The following CATSPERT variants were observed in gnomAD, a reference collection of about 807,000 sequenced individuals.
CATSPERT encodes cation channel sperm-associated targeting subunit tau.
the CATSPERT span, among the ~76,000 whole-genome samples, chr2:201,602,518 G>C: frequency 6.6e-6 from 1 of 152,034 alleles, no homozygotes; most frequent in Non-Finnish European, 1.5e-5. Context: ...TTGTTTAAAA[G>C]CACCAATATA....
the CATSPERT span, chr2:201,495,893 A>T: frequency 1.9e-6 from 3 of 1,571,426 alleles, no homozygotes; most frequent in Non-Finnish European, 2.6e-6. Flanking sequence ...TTCAGGACTC[A>T]CCTGAAATTT....
At chr2:201,513,284 A>C in the CATSPERT span, among the ~76,000 whole-genome samples, 1 of 152,266 alleles carries the variant, frequency 6.6e-6, no homozygotes, top group Non-Finnish European at 1.5e-5. Flanking sequence ...ACATGAATAG[A>C]CACTTCTCAA....
the CATSPERT span, among the ~76,000 whole-genome samples, chr2:201,539,058 G>A: frequency 2.0e-5 from 3 of 152,062 alleles, no homozygotes; most frequent in Non-Finnish European, 4.4e-5. Flanking sequence ...TCTTTATCCA[G>A]TCTACCATTG....
the CATSPERT span, among the ~76,000 whole-genome samples, chr2:201,505,466 G>A: frequency 6.6e-6 from 1 of 152,142 alleles, no homozygotes; most frequent in Non-Finnish European, 1.5e-5. Flanking sequence ...TCTCTGATAG[G>A]ATGCACTGAG....
At chr2:201,575,259 G>A in the CATSPERT span, 581 of 1,560,540 alleles carry the variant, frequency 3.7e-4, no homozygotes, top group African/African-American at 6.5e-3. Flanking sequence ...ATAAAACTTA[G>A]GAAGTTTCAG....
chr2:201,597,523 C>G, the CATSPERT span, among the ~76,000 whole-genome samples: 1 of 152,104 alleles, frequency 6.6e-6, no homozygotes, highest in African/African-American at 2.4e-5. Context: ...TCTGCTTCCT[C>G]CACGCACCAA....
chr2:201,534,896 G>T, the CATSPERT span: 2 of 522,414 alleles, frequency 3.8e-6, no homozygotes, highest in Non-Finnish European at 4.9e-6. Context: ...CAAGTGGCAT[G>T]CATGTAAAGT....
the CATSPERT span, chr2:201,618,946 A>C: frequency 3.1e-6 from 5 of 1,613,802 alleles, no homozygotes; most frequent in Non-Finnish European, 4.2e-6. Flanking sequence ...GTTCTTAGGC[A>C]GGGCCGTCGT....
At chr2:201,533,658 A>G in the CATSPERT span, among the ~76,000 whole-genome samples, 1 of 152,210 alleles carries the variant, frequency 6.6e-6, no homozygotes, top group Non-Finnish European at 1.5e-5. Context: ...GACATTGAGG[A>G]TCTTGGGAGG....
chr2:201,541,142 T>C, the CATSPERT span, among the ~76,000 whole-genome samples: 1 of 152,166 alleles, frequency 6.6e-6, no homozygotes, highest in African/African-American at 2.4e-5. Context: ...AATTGCTTCT[T>C]ATGGATGAGC....
At chr2:201,551,961 T>TTTC in the CATSPERT span, among the ~76,000 whole-genome samples, 514 of 151,920 alleles carry the variant, frequency 3.4e-3, 4 homozygotes, top group African/African-American at 0.012. Flanking sequence ...TTCTTTCTTG[T>TTTC]TTCTTTCTTT....
chr2:201,494,797 A>G, the CATSPERT span: 1 of 1,449,720 alleles, frequency 6.9e-7, no homozygotes, highest in Non-Finnish European at 9.0e-7. Flanking sequence ...TTTGGTAGCA[A>G]TGATTTTGAA....
the CATSPERT span, chr2:201,537,513 A>G: frequency 6.9e-7 from 1 of 1,454,638 alleles, no homozygotes; most frequent in Non-Finnish European, 9.3e-7. Flanking sequence ...ATTTTATTTT[A>G]CATAAAAACA....
chr2:201,605,386 G>A, the CATSPERT span, among the ~76,000 whole-genome samples: 2 of 151,936 alleles, frequency 1.3e-5, no homozygotes, highest in African/African-American at 2.4e-5. Context: ...CTGCTTCTGG[G>A]GTGAAGGCAT....
the CATSPERT span, among the ~76,000 whole-genome samples, chr2:201,563,478 C>T: frequency 7.2e-5 from 9 of 124,852 alleles, no homozygotes; most frequent in Admixed American, 4.0e-4. Context: ...GACCCCCCAC[C>T]TCCCTCCCGG....
chr2:201,565,697 T>C, the CATSPERT span: 2 of 1,484,184 alleles, frequency 1.3e-6, no homozygotes, highest in East Asian at 5.0e-5. Flanking sequence ...AATTTTGAGC[T>C]CTTTTGAATT....
At chr2:201,494,277 G>T in the CATSPERT span, 62 of 1,536,698 alleles carry the variant, frequency 4.0e-5, no homozygotes, top group Non-Finnish European at 5.3e-5. Context: ...AAAATAATTT[G>T]TCTGAAAGGT....
chr2:201,490,370 G>A, the CATSPERT span, among the ~76,000 whole-genome samples: 2 of 151,994 alleles, frequency 1.3e-5, no homozygotes, highest in African/African-American at 4.8e-5. Flanking sequence ...AAGATAATTC[G>A]CTATGTGAAA....
At chr2:201,516,930 CTTT>C in the CATSPERT span, among the ~76,000 whole-genome samples, 10 of 135,478 alleles carry the variant, frequency 7.4e-5, no homozygotes, top group Admixed American at 1.5e-4. Context: ...AATAGGAAGG[CTTT>C]TTTTTTTTTT....
Sources: gnomAD v4.1 joint callset for allele counts (sites outside exome capture counted in the v4.1 genomes callset) on GRCh38, gnomAD v4.1.1 for gene constraint, MANE v1.5 for transcripts, NCBI Gene and HGNC (gene_info 2026-07-23, HGNC 2026-07-21) for gene names.